VIPR2: variants seen among roughly 807,000 people sequenced by gnomAD.
The protein encoded by VIPR2 is vasoactive intestinal peptide receptor 2.
Under a neutral mutation model 58.0 loss-of-function variants are expected in VIPR2, and 48 were observed. The ratio of observed to expected loss-of-function variants is 0.83; its 90% CI spans 0.66 to 1.05. The LOEUF is 1.05. Ranked by LOEUF, VIPR2 falls within the 50% of genes least tolerant of loss-of-function variation. The probability of loss-of-function intolerance (pLI) is 0.00; values close to 1 mark genes in which losing one functional copy is unlikely to be tolerated. For synonymous variants in VIPR2, 243 were observed against 235.2 expected (o/e 1.03, Z -0.30); for missense variants, 534 against 558.0 (o/e 0.96, Z 0.43).
chr7:159,059,934 C>T (rs147843021), intron 4 of VIPR2, among the ~76,000 whole-genome samples: 154 of 151,710 alleles, frequency 1.0e-3, no homozygotes, highest in African/African-American at 3.6e-3. Context: ...ATCCCCTTCA[C>T]CTAACCACCA....
chr7:159,063,793 T>A (rs1356989061), intron 4 of VIPR2, among the ~76,000 whole-genome samples: 74 of 59,368 alleles, frequency 1.2e-3, no homozygotes, highest in African/African-American at 6.0e-3. Flanking sequence ...GGTCTGGGGG[T>A]CCTGGTGGGG....
At chr7:159,059,898 AACC>A (rs930476203) in intron 4 of VIPR2, among the ~76,000 whole-genome samples, 51 of 149,432 alleles carry the variant, frequency 3.4e-4, no homozygotes, top group African/African-American at 1.3e-3. Context: ...CACCTCATCT[AACC>A]TCCATTCTCA....
chr7:159,100,642 T>C (rs1040995883), intron 4 of VIPR2, among the ~76,000 whole-genome samples: 1 of 152,260 alleles, frequency 6.6e-6, no homozygotes, highest in Non-Finnish European at 1.5e-5. Context: ...AATTCCGACA[T>C]GTGGGAGGGA....
At chr7:159,144,499 A>G (rs1018616538) in intron 1 of VIPR2, 8 of 1,537,454 alleles carry the variant, frequency 5.2e-6, no homozygotes, top group Non-Finnish European at 7.0e-6. Context: ...GGGCGCAGGC[A>G]GCCTCCCAAC....
chr7:159,068,513 G>A (rs183916090), intron 4 of VIPR2, among the ~76,000 whole-genome samples: 16 of 152,326 alleles, frequency 1.1e-4, no homozygotes, highest in African/African-American at 2.2e-4. Context: ...GTTCCACAGC[G>A]TGTGTGTTTA....
intron 4 of VIPR2, among the ~76,000 whole-genome samples, chr7:159,075,850 G>A (rs962043101): frequency 6.6e-6 from 1 of 150,462 alleles, no homozygotes; most frequent in Non-Finnish European, 1.5e-5. Context: ...GCCCAGGGCC[G>A]GCACCCATGG....
chr7:159,143,078 A>G (rs1003987166), intron 1 of VIPR2, among the ~76,000 whole-genome samples: 1 of 152,270 alleles, frequency 6.6e-6, no homozygotes, highest in African/African-American at 2.4e-5. Flanking sequence ...CAAAGAAATC[A>G]GCAAGATGAG....
chr7:159,106,445 A>G (rs2129496078), intron 3 of VIPR2, among the ~76,000 whole-genome samples: 1 of 151,038 alleles, frequency 6.6e-6, no homozygotes, highest in Non-Finnish European at 1.5e-5. Context: ...AGGGGCAGAG[A>G]GGCCAGGGAG....
chr7:159,063,731 G>A (rs72505594), intron 4 of VIPR2, among the ~76,000 whole-genome samples: 61 of 144,468 alleles, frequency 4.2e-4, no homozygotes, highest in South Asian at 2.7e-3. Flanking sequence ...CTGGCGGGTC[G>A]GAGGGCCTGG....
rs150222738 is a variant in VIPR2, at chr7:159,030,694, G to C, written c.1239C>G (p.Asn413Lys). 98 of 1,582,834 alleles carry C rather than the reference G, an allele frequency of 6.2e-5. No homozygotes were observed. In the African/African-American group the frequency reaches 1.0e-3, roughly 17 times the overall value. ...GGAACTGCAGGGCGCCCTCCGAGCC[G>C]TTGCGGGAGAAGGAGGAACCGCAGA... is the stretch of plus-strand genomic sequence containing the variant. ...YRVCGSSFSR[N>K]GSEGALQFHR... Residue 413 changes from asparagine to lysine, a missense_variant, in exon 13 of 13, where the codon AAC becomes AAG. Asn to Lys is a moderately conservative substitution (Grantham distance 94). Around this residue, in one of 3 missense-constraint regions of VIPR2, gnomAD observed 306 missense variants for 285.8 expected, o/e 1.07. Coordinates refer to ENST00000262178, the MANE Select transcript of VIPR2 (RefSeq NM_003382.5).
intron 4 of VIPR2, among the ~76,000 whole-genome samples, chr7:159,100,593 T>C (rs1858144316): frequency 6.6e-6 from 1 of 152,248 alleles, no homozygotes; most frequent in Admixed American, 6.5e-5. Flanking sequence ...GGTTTTCCTG[T>C]GTCCCCGCCC....
chr7:159,042,447 T>C (rs1854409339), intron 6 of VIPR2, among the ~76,000 whole-genome samples: 1 of 152,144 alleles, frequency 6.6e-6, no homozygotes, highest in Admixed American at 6.5e-5. Context: ...CTACTACAAA[T>C]ACAGCTGAGG....
intron 2 of VIPR2, among the ~76,000 whole-genome samples, chr7:159,132,409 C>G (rs1240022341): frequency 4.1e-5 from 6 of 146,188 alleles, no homozygotes; most frequent in South Asian, 2.2e-4. Flanking sequence ...GCACTGGAAC[C>G]TGGACTGGGA....
At chr7:159,104,001 C>A (rs1261050489) in intron 3 of VIPR2, 147 bp from the exon 4 acceptor site, 1 of 682,760 alleles carries the variant, frequency 1.5e-6, no homozygotes, top group African/African-American at 1.8e-5. Flanking sequence ...CTCAAAAAAC[C>A]TTCCTTGCCC....
intron 2 of VIPR2, among the ~76,000 whole-genome samples, chr7:159,117,954 G>A (rs989481912): frequency 6.6e-6 from 1 of 152,186 alleles, no homozygotes; most frequent in Non-Finnish European, 1.5e-5. Flanking sequence ...ATTTCCAATC[G>A]CATCCTCCAC....
chr7:159,097,625 C>G lies in VIPR2; in HGVS notation c.357+6132G>C, dbSNP rs76662126. ...CTTTCATCAGTGCCCAAGATGAAAT[C>G]CAAATCACCAAGGAGAATTCCCACT... On this transcript the variant is annotated intron_variant, in intron 4 of 12. Coordinates refer to ENST00000262178, the MANE Select transcript of VIPR2 (RefSeq NM_003382.5). The surrounding 1 kb of genome is among the most constrained non-coding windows in gnomAD (Gnocchi z 5.3). Among the ~76,000 whole-genome samples the G allele has an allele frequency of 6.5e-3, 991 of 152,274 alleles. 5 individuals are homozygous for G. Among genetic ancestry groups the G allele is most frequent in the Middle Eastern group, 0.034 (10 of 294 alleles).
intron 2 of VIPR2, among the ~76,000 whole-genome samples, chr7:159,135,325 G>A (rs531947243): frequency 2.6e-5 from 4 of 151,848 alleles, no homozygotes; most frequent in South Asian, 2.1e-4. Context: ...CCAGCTACTC[G>A]GGAGGCTGAG....
At chr7:159,062,953 C>T (rs898291692) in intron 4 of VIPR2, among the ~76,000 whole-genome samples, 3 of 152,326 alleles carry the variant, frequency 2.0e-5, no homozygotes, top group Admixed American at 6.5e-5. Context: ...TAGCTAGACA[C>T]AGAACACTGA....
intron 3 of VIPR2, 88 bp from the exon 4 acceptor site, chr7:159,103,942 A>G (rs1475318366): frequency 8.7e-7 from 1 of 1,151,520 alleles, no homozygotes; most frequent in African/African-American, 1.5e-5. Context: ...CCCGTGCTCT[A>G]TTAAAATGCT....
Sources: allele counts gnomAD v4.1 joint callset (sites outside exome capture counted in the v4.1 genomes callset), GRCh38; gene constraint gnomAD v4.1.1; regional missense constraint gnomAD v4.1.1; non-coding constraint Gnocchi (gnomAD v3.1); transcripts MANE v1.5; gene names NCBI Gene and HGNC (gene_info 2026-07-23, HGNC 2026-07-21).